SIDT2: variants seen among roughly 807,000 people sequenced by gnomAD.
SIDT2 encodes SID1 transmembrane family member 2, also known as SID1 transmembrane family, member 2.
A neutral mutation model predicts 114.4 loss-of-function variants in SIDT2; 68 were observed. The ratio of observed to expected loss-of-function variants is 0.59; its 90% CI spans 0.49 to 0.73. SIDT2 has a LOEUF of 0.73. SIDT2 is among the 30% of genes least tolerant of loss of function. SIDT2 has a pLI of 0.00. For missense variants in SIDT2, 918 were observed against 1,097.1 expected (o/e 0.84, Z 2.31); for synonymous variants, 470 against 438.4 (o/e 1.07, Z -0.90).
intron 10 of SIDT2, among the ~76,000 whole-genome samples, chr11:117,187,156 G>C (rs2030527081): frequency 6.6e-6 from 1 of 151,916 alleles, no homozygotes; most frequent in African/African-American, 2.4e-5. Flanking sequence ...TCTCTCCTTA[G>C]GGAAGACAAA....
intron 6 of SIDT2, 22 bp from the exon 7 acceptor site, chr11:117,183,757 A>G (rs755106630): frequency 3.4e-6 from 5 of 1,491,154 alleles, no homozygotes; most frequent in Admixed American, 1.7e-5. Context: ...TGAAGAAGAT[A>G]TTTATCATCA....
chr11:117,186,558 G>A (rs1284671723), intron 9 of SIDT2, 26 bp from the exon 10 acceptor site: 3 of 1,540,690 alleles, frequency 1.9e-6, no homozygotes, highest in Non-Finnish European at 2.6e-6. Flanking sequence ...TCCCATCTGG[G>A]TGGCCTGTGG....
At chr11:117,194,061 T>A in intron 24 of SIDT2, 98 bp downstream of exon 24, 1 of 940,184 alleles carries the variant, frequency 1.1e-6, no homozygotes, top group Non-Finnish European at 1.6e-6. Flanking sequence ...ATCCCAGCAC[T>A]TTGGGAAGCT....
Position 117,183,954 on chromosome 11 carries a change from G to A in SIDT2, c.802+76G>A, listed in dbSNP as rs2030397605. ...TTCTGGGAGCAAGAAGAGCCTGCGT[G>A]GCTGATTGGTGGACCTGATAGGACA... is the stretch of plus-strand genomic sequence containing the variant. On this transcript the variant is annotated intron_variant, in intron 7 of 25. Transcript: ENST00000324225. The A allele has an allele frequency of 4.0e-6, 6 of 1,503,374 alleles. No homozygotes were observed. The Admixed American group carries it at 1.0e-4, about 25-fold the overall frequency. The allele number at this position is 1,503,374 out of a possible 1,614,324, so 93.1% of individuals were successfully genotyped here.
intron 24 of SIDT2, chr11:117,194,167 T>G: frequency 4.2e-6 from 2 of 473,648 alleles, no homozygotes; most frequent in Non-Finnish European, 7.6e-6. Flanking sequence ...ATAAAAAAAT[T>G]AGCCTGGCGT....
rs2030926417 is a variant in SIDT2, at chr11:117,197,349, G to A, written c.*1283G>A. On this transcript the variant is annotated 3_prime_UTR_variant, in exon 26 of 26. Transcript: ENST00000324225. ...CTCTGCTTGAAGGGCTGGGAGATGA[G>A]GTGGGTCTGGATCTTTTCTCAGAGC... The A allele has an allele frequency of 6.6e-6, 1 of 152,622 alleles. No individual in the cohort carries two copies. The highest frequency in any genetic ancestry group is 6.5e-5 in the Admixed American group (1 of 15,276). 9.5% of individuals were successfully genotyped at this position (152,622 alleles called of 1,614,324 possible).
rs2030918782 is a variant in SIDT2, at chr11:117,197,082, G to C, written c.*1016G>C. 6.6e-6 allele frequency: 1 copy of C among 152,436 alleles called. No homozygotes were observed. The highest frequency in any genetic ancestry group is 2.4e-5 in the African/African-American group (1 of 41,474). The allele number at this position is 152,436 out of a possible 1,614,324, so 9.4% of individuals were successfully genotyped here. On this transcript the variant is annotated 3_prime_UTR_variant, in exon 26 of 26. Transcript: ENST00000324225. ...AGTCCTAGCCTCGCTCTAGGACCCAGGGCTGGCTTCTAAGTTTCCGTCCAG... is the reference window on the plus strand; with the variant it reads ...AGTCCTAGCCTCGCTCTAGGACCCACGGCTGGCTTCTAAGTTTCCGTCCAG...
At chr11:117,194,143 A>G (rs1488574291) in intron 24 of SIDT2, 180 bp downstream of exon 24, 4 of 531,062 alleles carry the variant, frequency 7.5e-6, no homozygotes, top group Non-Finnish European at 1.3e-5. Flanking sequence ...TCTACAAAAA[A>G]TAAAAAAATA....
At position 117,190,330 on chromosome 11, in the gene SIDT2, GCACAGAC is replaced by G; in HGVS notation, c.1617+43_1617+49del. The G allele has an allele frequency of 6.6e-7, 1 of 1,523,384 alleles. No individual in the cohort carries two copies. The highest frequency in any genetic ancestry group is 2.3e-5 in the East Asian group (1 of 44,100). The allele number at this position is 1,523,384 out of a possible 1,614,324, so 94.4% of individuals were successfully genotyped here. ...CCTGCCTGCCGCAGCCTCAGCTCCA[GCACAGAC>G]CTCAAGCCTTGGCTCCAGGACACCC... On this transcript the variant is annotated intron_variant, in intron 17 of 25. Transcript: ENST00000324225. The surrounding 1 kb of genome is among the most constrained non-coding windows in gnomAD (Gnocchi z 4.1).
At position 117,193,855 on chromosome 11, in the gene SIDT2, C is replaced by T. The variant is rs1046408189; in HGVS notation, c.2214C>T (p.Leu738=). The T allele has an allele frequency of 1.9e-6, 3 of 1,613,670 alleles. No individual in the cohort carries two copies. Among genetic ancestry groups the T allele is most frequent in the Non-Finnish European group, 8.5e-7 (1 of 1,179,746 alleles). ...TGTCCCTGCCTGGCCCCTCCCAGCT[C>T]CGGAGTGGGGAGAGGATCAAGCTCA... ...LYFAFYIIMK[L]RSGERIKLIP... is the part of the protein sequence containing the mutation. Residue 738 remains leucine, a splice_region_variant and synonymous_variant, in exon 24 of 26, where the codon CTC becomes CTT. Transcript: ENST00000324225.
At chr11:117,181,667 C>T (rs1029391648) in intron 2 of SIDT2, 130 bp downstream of exon 2, 7 of 1,566,388 alleles carry the variant, frequency 4.5e-6, no homozygotes, top group East Asian at 4.5e-5. Flanking sequence ...GCACAAGGGC[C>T]GAGTCCCACC....
intron 10 of SIDT2, chr11:117,186,920 T>C: frequency 6.7e-7 from 1 of 1,489,892 alleles, no homozygotes; most frequent in South Asian, 1.2e-5. Flanking sequence ...TTATTAACCT[T>C]TCCTTCTCTC....
At position 117,179,222 on chromosome 11, in the gene SIDT2, C is replaced by T. The variant is rs767781359; in HGVS notation, c.-42C>T. On this transcript the variant is annotated 5_prime_UTR_variant, in exon 1 of 26. Transcript: ENST00000324225. ...GAGGTGTCCTGTCTCCTGTCGCCGC[C>T]GCCGCCGCCACCACCGCTGCCACTG... is the stretch of plus-strand genomic sequence containing the variant. 1.3e-6 allele frequency: 2 copies of T among 1,588,408 alleles called. No homozygotes were observed. The highest frequency in any genetic ancestry group is 1.8e-5 in the Admixed American group (1 of 55,966).
rs372528187 is a variant in SIDT2 at position 117,189,425 on chromosome 11, C to G, written c.1419+24C>G. 4.8e-5 allele frequency: 78 copies of G among 1,611,638 alleles called. No individual in the cohort carries two copies. The African/African-American group carries it at 7.5e-4, about 15-fold the overall frequency. On this transcript the variant is annotated intron_variant, in intron 15 of 25. Coordinates refer to ENST00000324225, the MANE Select transcript of SIDT2 (RefSeq NM_001040455.2). ...CGGTGAGAGGGCAGGGCAGGTTCAC[C>G]TTTCCGACAGCCTAGGACACCGCCC...
At chr11:117,187,528 T>G in intron 11 of SIDT2, 79 bp downstream of exon 11, 1 of 1,595,452 alleles carries the variant, frequency 6.3e-7, no homozygotes, top group Admixed American at 1.7e-5. Flanking sequence ...GGCGGTAAAG[T>G]GGGAGCCACC....
rs751054551 is a variant in SIDT2, at chr11:117,185,820, G to A, written c.869-310G>A. The A allele has an allele frequency of 3.9e-4, 110 of 284,660 alleles. No individual in the cohort carries two copies. In the Middle Eastern group the frequency reaches 0.018, roughly 47 times the overall value. The allele number at this position is 284,660 out of a possible 1,614,324, so 17.6% of individuals were successfully genotyped here. A position where few individuals can be genotyped will look rare whatever the true frequency, so the allele number is the denominator to read the frequency against. ...GCCTAGGAGTTGGAGGCTGCAGTGAGCTATGATCGTGCCACTGCACTCCAG... is the reference window on the plus strand; with the variant it reads ...GCCTAGGAGTTGGAGGCTGCAGTGAACTATGATCGTGCCACTGCACTCCAG... On this transcript the variant is annotated intron_variant, in intron 8 of 25. Coordinates refer to ENST00000324225, the MANE Select transcript of SIDT2 (RefSeq NM_001040455.2).
Position 117,188,734 on chromosome 11 carries a change from C to G in SIDT2, c.1186C>G (p.Arg396Gly). The G allele has an allele frequency of 6.2e-7, 1 of 1,614,158 alleles. No homozygotes were observed. Among genetic ancestry groups the G allele is most frequent in the Non-Finnish European group, 8.5e-7 (1 of 1,180,006 alleles). ...CCGCTCCTTTGAACCTGTAGGTACT[C>G]GGCCCCGAGTGGACTCCATGAGCTC... ...QGRSFEPVGT[R>G]PRVDSMSSVE... The change falls in exon 13 of 26, where the codon CGG becomes GGG. Residue 396 changes from arginine to glycine, a missense_variant. Arg to Gly is a moderately radical substitution (Grantham distance 125). Around this residue, in one of 4 missense-constraint regions of SIDT2, gnomAD observed 553 missense variants for 600.1 expected, o/e 0.92. Transcript: ENST00000324225. This position sits in a 1 kb window ranked among gnomAD's most constrained non-coding sequence, Gnocchi z 4.0.
intron 24 of SIDT2, among the ~76,000 whole-genome samples, chr11:117,195,114 A>AAAAAAAAG (rs2030850229): frequency 6.9e-6 from 1 of 144,702 alleles, no homozygotes; most frequent in Non-Finnish European, 1.5e-5. Flanking sequence ...AAAAAAAAAA[A>AAAAAAAAG]GTCTTGGGTA....
In SIDT2 at chr11:117,188,174, C is replaced by T. The variant is rs983132529; in HGVS notation, c.1159+475C>T. On this transcript the variant is annotated intron_variant, in intron 12 of 25. Coordinates refer to ENST00000324225, the MANE Select transcript of SIDT2 (RefSeq NM_001040455.2). The surrounding 1 kb of genome is among the most constrained non-coding windows in gnomAD (Gnocchi z 4.0). ...CTCCAGGCTGGACAATCTAGTTTATCGTCTGCGTTGCCAGCGCCCTCACTC... is the reference window on the plus strand; with the variant it reads ...CTCCAGGCTGGACAATCTAGTTTATTGTCTGCGTTGCCAGCGCCCTCACTC... 3.3e-5 allele frequency: 12 copies of T among 362,028 alleles called. No homozygotes were observed. Among genetic ancestry groups the T allele is most frequent in the Admixed American group, 3.0e-4 (8 of 26,440 alleles). 22.4% of individuals were successfully genotyped at this position (362,028 alleles called of 1,614,324 possible). A position where few individuals can be genotyped will look rare whatever the true frequency, so the allele number is the denominator to read the frequency against.
Sources: allele counts gnomAD v4.1 joint callset (sites outside exome capture counted in the v4.1 genomes callset), GRCh38; gene constraint gnomAD v4.1.1; regional missense constraint gnomAD v4.1.1; non-coding constraint Gnocchi (gnomAD v3.1); transcripts MANE v1.5; gene names NCBI Gene and HGNC (gene_info 2026-07-23, HGNC 2026-07-21).